Variants in DSG2 observed in about 807,000 individuals in gnomAD.
The protein encoded by DSG2 is desmoglein-2.
Under a neutral mutation model 75.6 loss-of-function variants are expected in DSG2, and 45 were observed. That is an observed-to-expected ratio of 0.60 (90% CI 0.47 to 0.76). The LOEUF (loss-of-function observed/expected upper bound fraction) is 0.76. Ranked by LOEUF, DSG2 falls within the 30% of genes least tolerant of loss-of-function variation. The probability of loss-of-function intolerance (pLI) is 0.00; values close to 1 mark genes in which losing one functional copy is unlikely to be tolerated. For missense variants in DSG2, 1,267 were observed against 1,357.4 expected, an observed-to-expected ratio of 0.93 and a Z score of 1.05; for synonymous variants, 429 against 483.9, an observed-to-expected ratio of 0.89 and a Z score of 1.49.
At chr18:31,519,256 T>A (rs1247889246) in intron 2 of DSG2, among the ~76,000 whole-genome samples, 1 of 152,150 alleles carries the variant, frequency 6.6e-6, no homozygotes, top group Non-Finnish European at 1.5e-5. Flanking sequence ...TTTCTTACAG[T>A]TAAAAACAAA....
At chr18:31,536,878 CTTGGTTTAACTGGGGG>C (rs1165506714) in intron 11 of DSG2, among the ~76,000 whole-genome samples, 4 of 152,186 alleles carry the variant, frequency 2.6e-5, no homozygotes, top group Non-Finnish European at 5.9e-5. Flanking sequence ...CTGAGGATAC[CTTGGTTTAACTGGGGG>C]TAAGTAAAGC....
At chr18:31,511,363 T>C (rs1272004379) in intron 1 of DSG2, among the ~76,000 whole-genome samples, 1 of 152,180 alleles carries the variant, frequency 6.6e-6, no homozygotes, top group African/African-American at 2.4e-5. Flanking sequence ...TCTCCAGACA[T>C]TACCAAATAT....
rs1224254569 is a variant in DSG2, at chr18:31,541,214, T to A, written c.1901T>A (p.Met634Lys). 1 of 1,614,234 alleles carries A rather than the reference T, an allele frequency of 6.2e-7. No homozygotes were observed. The highest frequency in any genetic ancestry group is 1.1e-5 in the South Asian group (1 of 91,088). The change falls in exon 13 of 15, where the codon ATG becomes AAG. Residue 634 changes from methionine (M) to lysine (K), a missense_variant. Transcript: ENST00000261590. Reference sequence around the variant, plus strand: ...ACAGTGGTACCACTTTTACTGCTGATGTGCCATTGCGGAAAGGGCGCCAAA... The same window carrying A: ...ACAGTGGTACCACTTTTACTGCTGAAGTGCCATTGCGGAAAGGGCGCCAAA... ...LLLLVPLLLL[M>K]CHCGKGAKGF...
chr18:31,499,434 T>C (rs1482349669), intron 1 of DSG2, among the ~76,000 whole-genome samples: 1 of 152,062 alleles, frequency 6.6e-6, no homozygotes, highest in Non-Finnish European at 1.5e-5. Flanking sequence ...GAGATTTCCA[T>C]GAACTCTCAG....
At chr18:31,523,620 A>G (rs1298148907) in intron 6 of DSG2, among the ~76,000 whole-genome samples, 1 of 152,218 alleles carries the variant, frequency 6.6e-6, no homozygotes, top group Non-Finnish European at 1.5e-5. Context: ...TTAGCCAATA[A>G]TAATGGCTGT....
chr18:31,534,808 C>T (rs1337015802), intron 9 of DSG2, among the ~76,000 whole-genome samples: 2 of 152,214 alleles, frequency 1.3e-5, no homozygotes, highest in Non-Finnish European at 2.9e-5. Context: ...CCGCACCTGG[C>T]CCCTGCGATC....
Position 31,520,853 on chromosome 18 carries a change from C to T in DSG2, c.267C>T (p.Tyr89=). 6.2e-7 allele frequency: 1 copy of T among 1,613,742 alleles called. No individual in the cohort carries two copies. The highest frequency in any genetic ancestry group is 8.5e-7 in the Non-Finnish European group (1 of 1,179,822). The stretch of plus-strand genomic sequence containing the variant: ...GAGGACTCAAAATTACTTACAAATA[C>T]ACTGGAAAAGGGATTACAGAGCCAC... The part of the protein sequence containing the change: ...EERGLKITYK[Y]TGKGITEPPF... Residue 89 remains tyrosine, a synonymous_variant, in exon 4 of 15, where the codon TAC becomes TAT. Coordinates refer to ENST00000261590, the MANE Select transcript of DSG2 (RefSeq NM_001943.5).
At chr18:31,499,887 A>C (rs975132264) in intron 1 of DSG2, among the ~76,000 whole-genome samples, 1 of 152,156 alleles carries the variant, frequency 6.6e-6, no homozygotes, top group African/African-American at 2.4e-5. Context: ...GACTATAGCC[A>C]ATGGAACAGG....
chr18:31,545,590 C>T, intron 14 of DSG2, 131 bp from the exon 15 acceptor site: 1 of 1,113,542 alleles, frequency 9.0e-7, no homozygotes, highest in Non-Finnish European at 1.3e-6. Context: ...TTTGTGTTTC[C>T]CTGATGGTTC....
chr18:31,519,842 C>A lies in DSG2; in HGVS notation c.121C>A (p.His41Asn), dbSNP rs201499704. 104 of 1,614,166 alleles carry A rather than the reference C, an allele frequency of 6.4e-5. No individual in the cohort carries two copies. The African/African-American group carries it at 1.2e-3, about 19-fold the overall frequency. The change falls in exon 3 of 15, where the codon CAT becomes AAT. Residue 41 changes from histidine to asparagine, a missense_variant. His to Asn is a moderately conservative substitution (Grantham distance 68). Transcript: ENST00000261590. Reference protein sequence around the residue: ...TRNENKLLPKHPHLVRQKRAW... With the variant: ...TRNENKLLPKNPHLVRQKRAW... ...AAATGAAAATAAGCTGCTTCCTAAA[C>A]ATCCTCATTTAGTGCGGCAAAAGCG... is the stretch of plus-strand genomic sequence containing the variant.
At chr18:31,538,645 T>C (rs2073246621) in intron 11 of DSG2, 106 bp from the exon 12 acceptor site, 1 of 935,658 alleles carries the variant, frequency 1.1e-6, no homozygotes, top group South Asian at 1.4e-5. Flanking sequence ...AAGTACCTAA[T>C]TGGAGTTAAA....
At position 31,546,528 on chromosome 18, in the gene DSG2, GAA is replaced by G; in HGVS notation, c.3144_3145del (p.Arg1049SerfsTer17). 6.2e-7 allele frequency: 1 copy of G among 1,614,142 alleles called. No individual in the cohort carries two copies. Among genetic ancestry groups the G allele is most frequent in the Non-Finnish European group, 8.5e-7 (1 of 1,180,020 alleles). ...AGTAGGACAGAATGTGACAGTGACA[GAA>G]AGAGTTCTAGCACCTGCTTCCACTC... Reference protein sequence around the residue: ...IAVGQNVTVTERVLAPASTLQ... With the variant: ...IAVGQNVTVTXRVLAPASTLQ... On this transcript the variant is annotated frameshift_variant, in exon 15 of 15. Transcript: ENST00000261590. LOFTEE classifies it low-confidence loss of function (END_TRUNC).
chr18:31,539,528 G>A (rs1009313921), intron 12 of DSG2, among the ~76,000 whole-genome samples: 10 of 152,322 alleles, frequency 6.6e-5, no homozygotes, highest in South Asian at 2.1e-4. Flanking sequence ...CTTCCTGACC[G>A]TAAGATGTTC....
rs780300040 is a variant in DSG2 at position 31,519,893 on chromosome 18, C to G, written c.172C>G (p.Leu58Val). Residue 58 changes from leucine to valine, a missense_variant, in exon 3 of 15, where the codon CTT (leucine) becomes GTT (valine). Leu to Val is a conservative substitution (Grantham distance 32). Coordinates refer to ENST00000261590, the MANE Select transcript of DSG2 (RefSeq NM_001943.5). ...KRAWITAPVA[L>V]REGEDLSKKN... ...CGCCTGGATCACCGCCCCCGTGGCT[C>G]TTCGGGAGGGAGAGGATCTGTCCAA... is the stretch of plus-strand genomic sequence containing the variant. The G allele has an allele frequency of 6.8e-6, 11 of 1,614,024 alleles. No homozygotes were observed. The highest frequency in any genetic ancestry group is 3.3e-4 in the Middle Eastern group (2 of 6,084).
chr18:31,520,728 A>T, intron 3 of DSG2, 75 bp from the exon 4 acceptor site: 1 of 1,473,018 alleles, frequency 6.8e-7, no homozygotes, highest in Non-Finnish European at 9.4e-7. Flanking sequence ...ATCACTTCTT[A>T]GGCTTTTGGC....
intron 1 of DSG2, among the ~76,000 whole-genome samples, chr18:31,516,652 C>T (rs1316491717): frequency 1.3e-5 from 2 of 152,150 alleles, no homozygotes; most frequent in Non-Finnish European, 2.9e-5. Context: ...AACCGCCACC[C>T]CATGGAAAGA....
chr18:31,511,815 A>G (rs1415563345), intron 1 of DSG2, among the ~76,000 whole-genome samples: 1 of 152,150 alleles, frequency 6.6e-6, no homozygotes, highest in African/African-American at 2.4e-5. Flanking sequence ...CCATGTCACC[A>G]GTAACGAGGT....
chr18:31,543,123 T>C, intron 14 of DSG2: 1 of 338,094 alleles, frequency 3.0e-6, no homozygotes, highest in Non-Finnish European at 5.4e-6. Context: ...TGCCAGTCAG[T>C]CAGCTCTGCT....
At chr18:31,513,882 T>G (rs1360313288) in intron 1 of DSG2, among the ~76,000 whole-genome samples, 3 of 152,212 alleles carry the variant, frequency 2.0e-5, no homozygotes, top group Non-Finnish European at 2.9e-5. Context: ...GTGATGTTCT[T>G]TCCAAAAATG....
Sources: gnomAD v4.1 joint callset for allele counts (sites outside exome capture counted in the v4.1 genomes callset) on GRCh38, gnomAD v4.1.1 for gene constraint, MANE v1.5 for transcripts, NCBI Gene and HGNC (gene_info 2026-07-23, HGNC 2026-07-21) for gene names.